The following CCDC7 variants were observed in gnomAD, a reference collection of about 807,000 sequenced individuals.
The protein encoded by CCDC7 is coiled-coil domain containing 7, also known as coiled-coil domain-containing protein 7.
CCDC7 carries 183 observed loss-of-function variants against 196.9 expected under a neutral mutation model. That is an observed-to-expected ratio of 0.93 (90% CI 0.82 to 1.05). The LOEUF (loss-of-function observed/expected upper bound fraction) is 1.05. CCDC7 is among the 50% of genes least tolerant of loss of function. The pLI is 0.00. For synonymous variants in CCDC7, 525 were observed against 484.6 expected (o/e 1.08, Z -1.10); for missense variants, 1,540 against 1,482.2 (o/e 1.04, Z -0.64).
At chr10:32,492,231 A>G (rs2042262859) in intron 9 of CCDC7, among the ~76,000 whole-genome samples, 1 of 152,178 alleles carries the variant, frequency 6.6e-6, no homozygotes, top group African/African-American at 2.4e-5. Flanking sequence ...TTATAAACAT[A>G]GAGAATGTAA....
At chr10:32,812,288 C>T (rs891971463) in intron 30 of CCDC7, among the ~76,000 whole-genome samples, 4 of 151,588 alleles carry the variant, frequency 2.6e-5, no homozygotes, top group Non-Finnish European at 4.4e-5. Context: ...TTAATAGAAC[C>T]AGAAATTATA....
At chr10:32,588,137 A>T (rs1367362580) in intron 18 of CCDC7, among the ~76,000 whole-genome samples, 8 of 152,196 alleles carry the variant, frequency 5.3e-5, no homozygotes, top group Admixed American at 5.2e-4. Flanking sequence ...ACCAGCAAGG[A>T]GGCACTCCTC....
chr10:32,827,006 C>G (rs2091227640), intron 32 of CCDC7, among the ~76,000 whole-genome samples: 1 of 152,208 alleles, frequency 6.6e-6, no homozygotes, highest in Non-Finnish European at 1.5e-5. Flanking sequence ...GTGGACCTCT[C>G]TGAATGGTCA....
At chr10:32,574,365 A>T (rs1489794190) in intron 16 of CCDC7, 1 of 1,301,008 alleles carries the variant, frequency 7.7e-7, no homozygotes, top group Non-Finnish European at 1.0e-6. Flanking sequence ...TATAATAAAA[A>T]TTCAAACTAT....
At chr10:32,760,664 G>A (rs1002535081) in intron 28 of CCDC7, among the ~76,000 whole-genome samples, 41 of 151,902 alleles carry the variant, frequency 2.7e-4, no homozygotes, top group African/African-American at 8.7e-4. Context: ...ATTAATGGGT[G>A]CAGCACACCA....
At chr10:32,725,342 T>G in intron 25 of CCDC7, 1 of 470,986 alleles carries the variant, frequency 2.1e-6, no homozygotes, top group Non-Finnish European at 4.4e-6. Context: ...TTTCATGATT[T>G]CTTTGCAGTC....
intron 28 of CCDC7, among the ~76,000 whole-genome samples, chr10:32,730,486 A>T (rs1303622790): frequency 6.6e-6 from 1 of 152,032 alleles, no homozygotes; most frequent in Non-Finnish European, 1.5e-5. Context: ...TGAATATAAT[A>T]AGAAAAAATA....
intron 24 of CCDC7, among the ~76,000 whole-genome samples, chr10:32,696,118 A>G (rs749850718): frequency 2.6e-5 from 4 of 152,188 alleles, no homozygotes; most frequent in African/African-American, 9.6e-5. Context: ...AATTGCAACA[A>G]TTCGCCTCAG....
chr10:32,827,058 A>G (rs906975101), intron 32 of CCDC7, among the ~76,000 whole-genome samples: 1 of 152,240 alleles, frequency 6.6e-6, no homozygotes, highest in Admixed American at 6.5e-5. Context: ...GTGCTCACCA[A>G]TGGGTGACCT....
chr10:32,797,877 A>G (rs2083943865), intron 29 of CCDC7, among the ~76,000 whole-genome samples: 1 of 152,108 alleles, frequency 6.6e-6, no homozygotes, highest in South Asian at 2.1e-4. Flanking sequence ...AAGTATTGCC[A>G]CCTAATTGGC....
At chr10:32,737,066 A>C (rs1417810028) in intron 28 of CCDC7, among the ~76,000 whole-genome samples, 1 of 152,190 alleles carries the variant, frequency 6.6e-6, no homozygotes, top group African/African-American at 2.4e-5. Context: ...TTTAAAAATC[A>C]TAAATGGGCT....
chr10:32,707,175 T>C (rs982232069), intron 24 of CCDC7, among the ~76,000 whole-genome samples: 3 of 152,124 alleles, frequency 2.0e-5, no homozygotes, highest in Non-Finnish European at 4.4e-5. Context: ...CATACACAAA[T>C]CAATAAATGT....
chr10:32,458,749 A>G (rs998426507), intron 3 of CCDC7, among the ~76,000 whole-genome samples: 1 of 152,136 alleles, frequency 6.6e-6, no homozygotes, highest in Non-Finnish European at 1.5e-5. Flanking sequence ...GTGGTTCCAC[A>G]TGAATTTTTA....
intron 18 of CCDC7, among the ~76,000 whole-genome samples, chr10:32,621,859 T>C (rs922286640): frequency 6.6e-6 from 1 of 152,208 alleles, no homozygotes; most frequent in Non-Finnish European, 1.5e-5. Flanking sequence ...GGATCTTCTT[T>C]AGCCCATCTA....
chr10:32,578,355 A>G (rs897408749), intron 16 of CCDC7, among the ~76,000 whole-genome samples: 3 of 151,930 alleles, frequency 2.0e-5, no homozygotes, highest in Admixed American at 1.3e-4. Flanking sequence ...TTTCAGGATG[A>G]TTCAAGCACA....
chr10:32,609,005 T>G (rs888735827), intron 18 of CCDC7, among the ~76,000 whole-genome samples: 1 of 152,238 alleles, frequency 6.6e-6, no homozygotes, highest in African/African-American at 2.4e-5. Flanking sequence ...TTTTAAAAAT[T>G]TGATGAGGCT....
intron 31 of CCDC7, among the ~76,000 whole-genome samples, chr10:32,815,218 C>T (rs1313105688): frequency 1.3e-5 from 2 of 152,084 alleles, no homozygotes; most frequent in African/African-American, 4.8e-5. Context: ...CTCTGTAACC[C>T]AAACACAAGG....
chr10:32,610,029 A>AGTGTGTGT (rs113353807), intron 18 of CCDC7, among the ~76,000 whole-genome samples: 2,687 of 146,392 alleles, frequency 0.018, 90 homozygotes, highest in African/African-American at 0.064. Context: ...TGTATGTATG[A>AGTGTGTGT]GTGTGTGTGT....
At chr10:32,577,701 G>T (rs553211504) in intron 16 of CCDC7, among the ~76,000 whole-genome samples, 1 of 152,166 alleles carries the variant, frequency 6.6e-6, no homozygotes, top group African/African-American at 2.4e-5. Context: ...GTTTAAAACA[G>T]CAGAGGGATC....
Sources: allele counts gnomAD v4.1 joint callset (sites outside exome capture counted in the v4.1 genomes callset), GRCh38; gene constraint gnomAD v4.1.1; transcripts MANE v1.5; gene names NCBI Gene and HGNC (gene_info 2026-07-23, HGNC 2026-07-21).